EPC2: variants seen among roughly 807,000 people sequenced by gnomAD.
EPC2 encodes enhancer of polycomb 2, also known as enhancer of polycomb homolog 2.
Under a neutral mutation model 92.1 loss-of-function variants are expected in EPC2, and 14 were observed. That is an observed-to-expected ratio of 0.15 (90% confidence interval 0.10 to 0.24). The LOEUF (loss-of-function observed/expected upper bound fraction) is 0.24. EPC2 is among the 10% of genes least tolerant of loss of function. EPC2 has a pLI of 1.00. For missense variants in EPC2, 755 were observed against 971.5 expected, an observed-to-expected ratio of 0.78 and a Z score of 2.96; for synonymous variants, 340 against 334.7, an observed-to-expected ratio of 1.02 and a Z score of -0.17.
At chr2:148,715,036 T>C (rs1047694816) in intron 2 of EPC2, among the ~76,000 whole-genome samples, 1 of 103,584 alleles carries the variant, frequency 9.7e-6, no homozygotes, top group Non-Finnish European at 2.0e-5. Flanking sequence ...TTTTTTTTTT[T>C]TTTTTTTTTT....
chr2:148,683,114 C>T (rs1047351508), intron 1 of EPC2, among the ~76,000 whole-genome samples: 1 of 150,564 alleles, frequency 6.6e-6, no homozygotes, highest in Non-Finnish European at 1.5e-5. Flanking sequence ...TTTGGGGAAA[C>T]AGGTGGTGTT....
intron 1 of EPC2, among the ~76,000 whole-genome samples, chr2:148,671,571 G>A (rs942801413): frequency 6.6e-6 from 1 of 152,074 alleles, no homozygotes; most frequent in East Asian, 1.9e-4. Context: ...CTGAGATTGT[G>A]CCACTGCATT....
intron 2 of EPC2, among the ~76,000 whole-genome samples, chr2:148,723,131 A>G (rs1247202188): frequency 2.6e-5 from 4 of 152,128 alleles, no homozygotes; most frequent in South Asian, 2.1e-4. Flanking sequence ...ATGAGATGCA[A>G]TTTACCTAAT....
intron 1 of EPC2, among the ~76,000 whole-genome samples, chr2:148,668,487 T>G (rs553926561): frequency 6.6e-6 from 1 of 152,324 alleles, no homozygotes; most frequent in Non-Finnish European, 1.5e-5. Context: ...CCCTCGTCAG[T>G]ATTTTGGAAA....
chr2:148,670,594 ATTTTAATT>A (rs1314274911), intron 1 of EPC2, among the ~76,000 whole-genome samples: 6 of 151,698 alleles, frequency 4.0e-5, no homozygotes, highest in Admixed American at 1.3e-4. Context: ...ATCCCTGTTG[ATTTTAATT>A]TTTTATTTTT....
chr2:148,745,002 G>A (rs1418482649), intron 3 of EPC2, among the ~76,000 whole-genome samples: 11 of 25,518 alleles, frequency 4.3e-4, no homozygotes, highest in African/African-American at 1.2e-3. Flanking sequence ...CCCCCCCCCC[G>A]CACCATTTTG....
At chr2:148,691,433 A>G in intron 2 of EPC2, 1 of 1,357,264 alleles carries the variant, frequency 7.4e-7, no homozygotes. Flanking sequence ...GGTGATTTGT[A>G]TTTTTAAAGA....
Position 148,748,219 on chromosome 2 carries a change from G to T in EPC2, c.459+4452G>T, listed in dbSNP as rs200200914. 3.1e-4 allele frequency among the ~76,000 whole-genome samples: 47 copies of T among 152,060 alleles called. 1 individual carries two copies. The East Asian group carries it at 9.1e-3, about 29-fold the overall frequency. On this transcript the variant is annotated intron_variant, in intron 3 of 13. Transcript: ENST00000258484. ...CTTCTGCTCCCACCACATAAGATGT[G>T]CCTGCTTCCCTTTCGCCTTCTCCCA...
intron 1 of EPC2, among the ~76,000 whole-genome samples, chr2:148,663,976 G>A (rs1335875495): frequency 6.6e-6 from 1 of 151,904 alleles, no homozygotes; most frequent in Non-Finnish European, 1.5e-5. Context: ...TCCAGGAGTT[G>A]GAGACCCCTG....
chr2:148,691,752 A>G, intron 2 of EPC2: 1 of 902,016 alleles, frequency 1.1e-6, no homozygotes, highest in East Asian at 2.6e-5. Flanking sequence ...TCTCAGGAAG[A>G]TTTTTTGCTT....
intron 2 of EPC2, among the ~76,000 whole-genome samples, chr2:148,739,830 C>CTTTTTTTTTTTTTTTTTT (rs879739457): frequency 8.2e-4 from 79 of 96,644 alleles, no homozygotes; most frequent in East Asian, 1.6e-3. Flanking sequence ...TTTTCTTCTT[C>CTTTTTTTTTTTTTTTTTT]TTCTTTTTTT....
At chr2:148,769,553 G>T (rs1370778600) in intron 8 of EPC2, among the ~76,000 whole-genome samples, 1 of 152,156 alleles carries the variant, frequency 6.6e-6, no homozygotes, top group African/African-American at 2.4e-5. Flanking sequence ...CCCAGAATTT[G>T]TAAGTTGGTT....
intron 1 of EPC2, 188 bp downstream of exon 1, chr2:148,645,358 A>C: frequency 3.6e-6 from 2 of 554,012 alleles, no homozygotes; most frequent in Non-Finnish European, 6.4e-6. Flanking sequence ...CGCGGCCGCC[A>C]TGTTGTTGCG....
At chr2:148,773,866 T>C (rs1268797875) in intron 10 of EPC2, among the ~76,000 whole-genome samples, 1 of 152,184 alleles carries the variant, frequency 6.6e-6, no homozygotes, top group Non-Finnish European at 1.5e-5. Context: ...GAGGGAGTTT[T>C]AGAAAGCTAT....
chr2:148,753,862 A>G, intron 3 of EPC2, 65 bp from the exon 4 acceptor site: 7 of 1,436,588 alleles, frequency 4.9e-6, no homozygotes, highest in Non-Finnish European at 6.6e-6. Flanking sequence ...TTCTACAGCC[A>G]TAAGCTAACT....
intron 2 of EPC2, among the ~76,000 whole-genome samples, chr2:148,714,542 G>A (rs746552575): frequency 2.6e-5 from 4 of 152,146 alleles, no homozygotes; most frequent in Admixed American, 6.5e-5. Context: ...GTGTAAAAGC[G>A]TTCCTTTTCC....
At chr2:148,726,117 T>A (rs1200029332) in intron 2 of EPC2, among the ~76,000 whole-genome samples, 1 of 152,210 alleles carries the variant, frequency 6.6e-6, no homozygotes, top group Non-Finnish European at 1.5e-5. Flanking sequence ...GATTCATCCA[T>A]GTTGTAAACA....
chr2:148,786,492 T>A lies in EPC2; in HGVS notation c.*115T>A. 1 of 735,712 alleles carries A rather than the reference T, an allele frequency of 1.4e-6. No individual in the cohort carries two copies. Among genetic ancestry groups the A allele is most frequent in the Non-Finnish European group, 2.3e-6 (1 of 442,156 alleles). The allele number at this position is 735,712 out of a possible 1,614,324, so 45.6% of individuals were successfully genotyped here. ...AGTGTAACAATGGACCTAAATGGAC[T>A]ATAGTATATTGGATGTTAAATCCAT... On this transcript the variant is annotated 3_prime_UTR_variant, in exon 14 of 14. Coordinates refer to ENST00000258484, the MANE Select transcript of EPC2 (RefSeq NM_015630.4).
chr2:148,730,250 G>A (rs1440061684), intron 2 of EPC2, among the ~76,000 whole-genome samples: 2 of 152,158 alleles, frequency 1.3e-5, no homozygotes, highest in South Asian at 2.1e-4. Context: ...GCTAAAGTTG[G>A]AAGCTAGGTC....
Sources: gnomAD v4.1 joint callset for allele counts (sites outside exome capture counted in the v4.1 genomes callset) on GRCh38, gnomAD v4.1.1 for gene constraint, MANE v1.5 for transcripts, NCBI Gene and HGNC (gene_info 2026-07-23, HGNC 2026-07-21) for gene names.